The following AOPEP variants were observed in gnomAD, a reference collection of about 807,000 sequenced individuals.
The protein encoded by AOPEP is aminopeptidase O.
AOPEP carries 77 observed loss-of-function variants against 98.1 expected under a neutral mutation model. That is an observed-to-expected ratio of 0.78 (90% confidence interval 0.65 to 0.95). AOPEP has a LOEUF of 0.95. AOPEP is among the 40% of genes least tolerant of loss of function. The pLI is 0.00. For missense variants in AOPEP, 1,024 were observed against 1,024.7 expected (o/e 1.00, Z 0.01); for synonymous variants, 346 against 365.3 (o/e 0.95, Z 0.60).
chr9:95,039,659 A>G (rs2065123659), intron 13 of AOPEP, among the ~76,000 whole-genome samples: 1 of 152,194 alleles, frequency 6.6e-6, no homozygotes, highest in African/African-American at 2.4e-5. Flanking sequence ...ATTTCTCTCA[A>G]AAGCTTTAAG....
intron 5 of AOPEP, among the ~76,000 whole-genome samples, chr9:94,812,685 C>A (rs1471195530): frequency 6.6e-6 from 1 of 152,112 alleles, no homozygotes; most frequent in African/African-American, 2.4e-5. Flanking sequence ...TCACTCTGTG[C>A]CCCTGCCCTT....
chr9:94,948,544 C>T (rs978947000), intron 7 of AOPEP, among the ~76,000 whole-genome samples: 6 of 152,114 alleles, frequency 3.9e-5, no homozygotes, highest in African/African-American at 1.5e-4. Flanking sequence ...TGTCTACCTC[C>T]TTCAGCTTCT....
At chr9:95,053,719 GTTGT>G in intron 13 of AOPEP, among the ~76,000 whole-genome samples, 1 of 152,092 alleles carries the variant, frequency 6.6e-6, no homozygotes. Flanking sequence ...TGTTGTTGTT[GTTGT>G]TGTTGTTGTT....
chr9:94,975,035 G>A (rs2059755073), intron 10 of AOPEP, among the ~76,000 whole-genome samples: 1 of 152,160 alleles, frequency 6.6e-6, no homozygotes, highest in Non-Finnish European at 1.5e-5. Context: ...TTTAAGACCA[G>A]TTTGGGCAAT....
intron 10 of AOPEP, among the ~76,000 whole-genome samples, chr9:94,978,807 A>C (rs1477207337): frequency 2.0e-5 from 3 of 152,170 alleles, no homozygotes; most frequent in Admixed American, 1.3e-4. Context: ...TAGATTGGAC[A>C]TATCAAGCAA....
the AOPEP span, among the ~76,000 whole-genome samples, chr9:95,147,368 T>C: frequency 6.6e-6 from 1 of 152,088 alleles, no homozygotes; most frequent in Non-Finnish European, 1.5e-5. Context: ...AACACAAAAT[T>C]AGCTGGGCGT....
At position 94,822,495 on chromosome 9, in the gene AOPEP, C is replaced by T. The variant is rs1853468605; in HGVS notation, c.1364+21493C>T. On this transcript the variant is annotated intron_variant, in intron 5 of 16. Coordinates refer to ENST00000375315, the MANE Select transcript of AOPEP (RefSeq NM_001193329.3). ...CCAACAGCAGAGTATCTGATTACCT[C>T]ATGCTGAATAATGCACTGTTGTTTA... 1.3e-5 allele frequency among the ~76,000 whole-genome samples: 2 copies of T among 152,238 alleles called. 1 individual carries two copies. The highest frequency in any genetic ancestry group is 2.9e-5 in the Non-Finnish European group (2 of 68,034).
intron 5 of AOPEP, among the ~76,000 whole-genome samples, chr9:94,907,468 C>T (rs2051323416): frequency 6.6e-6 from 1 of 152,128 alleles, no homozygotes; most frequent in Non-Finnish European, 1.5e-5. Flanking sequence ...AGAAGGCTGG[C>T]TGGGCACAGA....
chr9:94,892,073 T>C (rs748906671), intron 5 of AOPEP, among the ~76,000 whole-genome samples: 3 of 152,246 alleles, frequency 2.0e-5, no homozygotes, highest in Non-Finnish European at 2.9e-5. Context: ...TATTTACTTA[T>C]AGATAATGTG....
At chr9:95,003,405 T>C (rs967910411) in intron 11 of AOPEP, among the ~76,000 whole-genome samples, 1 of 152,216 alleles carries the variant, frequency 6.6e-6, no homozygotes, top group Non-Finnish European at 1.5e-5. Flanking sequence ...TACATCAATA[T>C]TGAATGGCTC....
chr9:94,829,476 A>G (rs1165968008), intron 5 of AOPEP, among the ~76,000 whole-genome samples: 1 of 152,212 alleles, frequency 6.6e-6, no homozygotes, highest in Non-Finnish European at 1.5e-5. Flanking sequence ...AACATGATAT[A>G]TCTCTGGAAA....
chr9:95,080,777 T>C lies in AOPEP; in HGVS notation c.2316T>C (p.Asp772=), dbSNP rs374605813. 20 of 1,611,936 alleles carry C rather than the reference T, an allele frequency of 1.2e-5. 1 individual carries two copies. In the African/African-American group the frequency reaches 2.4e-4, roughly 19 times the overall value. ...YKSVERFLQE[D]QAMGVYLYGE... ...GTGTGGAGAGGTTCCTTCAGGAGGATCAGGTAGGTGTCATCTTTCAGCAGA... is the reference window on the plus strand; with the variant it reads ...GTGTGGAGAGGTTCCTTCAGGAGGACCAGGTAGGTGTCATCTTTCAGCAGA... Residue 772 remains aspartate (D), a synonymous_variant, in exon 15 of 17, where the codon GAT becomes GAC. Transcript: ENST00000375315.
At chr9:94,842,355 C>T (rs1478291720) in intron 5 of AOPEP, among the ~76,000 whole-genome samples, 1 of 151,828 alleles carries the variant, frequency 6.6e-6, no homozygotes, top group African/African-American at 2.4e-5. Context: ...AGCGAGACTC[C>T]GTCTTACAAA....
At chr9:94,752,000 C>T (rs987735152) in intron 1 of AOPEP, among the ~76,000 whole-genome samples, 1 of 151,114 alleles carries the variant, frequency 6.6e-6, no homozygotes, top group Admixed American at 6.6e-5. Context: ...TCAAGCAATC[C>T]TCCCACCTCA....
At chr9:94,958,250 A>G (rs76503104) in intron 9 of AOPEP, among the ~76,000 whole-genome samples, 2,255 of 152,320 alleles carry the variant, frequency 0.015, 66 homozygotes, top group African/African-American at 0.051. Context: ...TGAATGCTCC[A>G]TTGCATGTAT....
At chr9:94,932,861 C>A (rs1370235469) in intron 7 of AOPEP, 1 of 985,140 alleles carries the variant, frequency 1.0e-6, no homozygotes, top group Admixed American at 6.2e-5. Flanking sequence ...GTAAGTCATT[C>A]GTTAACAGGT....
At chr9:95,015,535 A>G (rs2062904339) in intron 13 of AOPEP, among the ~76,000 whole-genome samples, 1 of 152,240 alleles carries the variant, frequency 6.6e-6, no homozygotes. Flanking sequence ...GATGAATAGA[A>G]TAGTTTATAG....
intron 5 of AOPEP, among the ~76,000 whole-genome samples, chr9:94,911,318 A>G (rs1475733173): frequency 6.6e-6 from 1 of 152,252 alleles, no homozygotes; most frequent in East Asian, 1.9e-4. Context: ...TCATGGTGAT[A>G]AAAACAGCCA....
At chr9:95,094,629 G>C in the AOPEP span, among the ~76,000 whole-genome samples, 1 of 152,128 alleles carries the variant, frequency 6.6e-6, no homozygotes, top group African/African-American at 2.4e-5. Flanking sequence ...AAGTCTTCCA[G>C]GTTCCTCCAT....
Sources: gnomAD v4.1 joint callset for allele counts (sites outside exome capture counted in the v4.1 genomes callset) on GRCh38, gnomAD v4.1.1 for gene constraint, MANE v1.5 for transcripts, NCBI Gene and HGNC (gene_info 2026-07-23, HGNC 2026-07-21) for gene names.